The following NR3C2 variants were observed in gnomAD, a reference collection of about 807,000 sequenced individuals.
The protein encoded by NR3C2 is mineralocorticoid receptor.
Under a neutral mutation model 86.4 loss-of-function variants are expected in NR3C2, and 15 were observed. The observed-to-expected ratio is 0.17, with a 90% CI of 0.12 to 0.27. The LOEUF (loss-of-function observed/expected upper bound fraction) is 0.27, where lower values mean the gene tolerates loss of function less well. NR3C2 is among the 10% of genes least tolerant of loss of function. The probability of loss-of-function intolerance (pLI) is 1.00; values close to 1 mark genes in which losing one functional copy is unlikely to be tolerated. For missense variants in NR3C2, 960 were observed against 1,195.6 expected (o/e 0.80, Z 2.91); for synonymous variants, 458 against 450.5 (o/e 1.02, Z -0.21).
chr4:148,366,440 TTAAAAGTACTTTTA>T (rs1212514233), intron 2 of NR3C2, among the ~76,000 whole-genome samples: 34 of 151,084 alleles, frequency 2.3e-4, no homozygotes, highest in Non-Finnish European at 3.1e-4. Flanking sequence ...GAATACTTTT[TTAAAAGTACTTTTA>T]AAAAAGAATA....
intron 2 of NR3C2, among the ~76,000 whole-genome samples, chr4:148,271,686 T>A (rs1037251598): frequency 3.9e-5 from 6 of 152,150 alleles, no homozygotes; most frequent in African/African-American, 1.4e-4. Flanking sequence ...CGCATCCTCC[T>A]CTCATATATA....
chr4:148,233,118 C>T (rs1304830358), intron 3 of NR3C2, among the ~76,000 whole-genome samples: 1 of 152,192 alleles, frequency 6.6e-6, no homozygotes, highest in Admixed American at 6.5e-5. Flanking sequence ...AAACCAGCCA[C>T]ATGGTTTTCT....
intron 4 of NR3C2, among the ~76,000 whole-genome samples, chr4:148,159,832 A>C (rs558425858): frequency 5.3e-5 from 8 of 152,228 alleles, no homozygotes; most frequent in Non-Finnish European, 7.3e-5. Context: ...TATTAACCAA[A>C]AGCATCAGTG....
chr4:148,321,552 C>G (rs1416321665), intron 2 of NR3C2, among the ~76,000 whole-genome samples: 1 of 152,094 alleles, frequency 6.6e-6, no homozygotes, highest in Non-Finnish European at 1.5e-5. Flanking sequence ...CTTCATGAAT[C>G]TTGGTGCTCC....
chr4:148,101,558 C>T (rs1731536922), intron 8 of NR3C2, among the ~76,000 whole-genome samples: 2 of 152,168 alleles, frequency 1.3e-5, no homozygotes, highest in African/African-American at 4.8e-5. Context: ...TCAGAAGCCT[C>T]ATAGCTGCCT....
At chr4:148,437,209 A>G (rs1343271216) in intron 1 of NR3C2, among the ~76,000 whole-genome samples, 15 of 152,328 alleles carry the variant, frequency 9.8e-5, no homozygotes, top group African/African-American at 3.4e-4. Flanking sequence ...GGCAGGCAAA[A>G]AAAGGTAACT....
intron 4 of NR3C2, among the ~76,000 whole-genome samples, chr4:148,155,255 A>C (rs897199441): frequency 1.3e-5 from 2 of 152,190 alleles, no homozygotes; most frequent in Non-Finnish European, 2.9e-5. Context: ...GAAATGTACC[A>C]CCAACTGCAC....
chr4:148,283,748 T>C (rs1198666679), intron 2 of NR3C2, among the ~76,000 whole-genome samples: 1 of 152,264 alleles, frequency 6.6e-6, no homozygotes, highest in African/African-American at 2.4e-5. Context: ...CATTACTTGG[T>C]TAATTCATAA....
upstream of NR3C2, chr4:148,444,078 G>A (rs61760037): frequency 2.0e-6 from 2 of 985,264 alleles, no homozygotes; most frequent in Non-Finnish European, 2.4e-6. Context: ...CACTCTCCCG[G>A]CCCAGCGAAC....
At chr4:148,400,984 T>A (rs371935142) in intron 2 of NR3C2, among the ~76,000 whole-genome samples, 27 of 152,334 alleles carry the variant, frequency 1.8e-4, no homozygotes, top group African/African-American at 6.0e-4. Context: ...TCACACTTTA[T>A]TGCCTACCAA....
chr4:148,110,309 G>A (rs1409211660), intron 8 of NR3C2, among the ~76,000 whole-genome samples: 1 of 152,204 alleles, frequency 6.6e-6, no homozygotes, highest in Admixed American at 6.5e-5. Context: ...ATCCATGTGT[G>A]TCCTGAGAGC....
intron 2 of NR3C2, among the ~76,000 whole-genome samples, chr4:148,292,453 T>C (rs1397549174): frequency 2.6e-5 from 4 of 152,006 alleles, no homozygotes; most frequent in Admixed American, 1.3e-4. Context: ...AAAACCCTTA[T>C]GATATATAAC....
At chr4:148,266,364 C>T (rs993686010) in intron 2 of NR3C2, among the ~76,000 whole-genome samples, 2 of 152,064 alleles carry the variant, frequency 1.3e-5, no homozygotes, top group Non-Finnish European at 1.5e-5. Flanking sequence ...AGCCACTGCA[C>T]CCGGCCCAGA....
intron 2 of NR3C2, among the ~76,000 whole-genome samples, chr4:148,303,452 C>T (rs1385326352): frequency 1.3e-5 from 2 of 152,074 alleles, no homozygotes; most frequent in East Asian, 3.9e-4. Context: ...GAGGGCTAAC[C>T]AAAGCCAAGC....
chr4:148,372,975 A>G (rs1746492967), intron 2 of NR3C2, among the ~76,000 whole-genome samples: 1 of 152,240 alleles, frequency 6.6e-6, no homozygotes, highest in South Asian at 2.1e-4. Flanking sequence ...ACACATACAC[A>G]TACCCAAGAA....
intron 6 of NR3C2, among the ~76,000 whole-genome samples, chr4:148,135,082 G>A (rs1397829739): frequency 1.3e-5 from 2 of 152,170 alleles, no homozygotes. Context: ...CAGAATGTGA[G>A]AGGGAAGGAA....
At chr4:148,333,050 G>T (rs1744306242) in intron 2 of NR3C2, among the ~76,000 whole-genome samples, 1 of 151,860 alleles carries the variant, frequency 6.6e-6, no homozygotes, top group Non-Finnish European at 1.5e-5. Context: ...CAGATTGCTG[G>T]AACACAGAAG....
At chr4:148,199,011 G>A (rs1243040172) in intron 3 of NR3C2, among the ~76,000 whole-genome samples, 2 of 151,072 alleles carry the variant, frequency 1.3e-5, no homozygotes, top group Non-Finnish European at 3.0e-5. Context: ...GCGTGAACCC[G>A]GGAGGCGGAG....
At chr4:148,130,799 G>GTTTTT (rs1732990461) in intron 6 of NR3C2, among the ~76,000 whole-genome samples, 2 of 61,426 alleles carry the variant, frequency 3.3e-5, no homozygotes, top group Admixed American at 1.7e-4. Flanking sequence ...TTTTTTTTTT[G>GTTTTT]TTTTGTTTTG....
Sources: allele counts gnomAD v4.1 joint callset (sites outside exome capture counted in the v4.1 genomes callset), GRCh38; gene constraint gnomAD v4.1.1; transcripts MANE v1.5; gene names NCBI Gene and HGNC (gene_info 2026-07-23, HGNC 2026-07-21).